CACNA2D3: variants seen among roughly 807,000 people sequenced by gnomAD.
The protein encoded by CACNA2D3 is calcium voltage-gated channel auxiliary subunit alpha2delta 3, also known as voltage-dependent calcium channel subunit alpha-2/delta-3.
In CACNA2D3, 60 loss-of-function variants were observed where a neutral mutation model predicts 160.6. That is an observed-to-expected ratio of 0.37 (90% CI 0.30 to 0.46). CACNA2D3 has a LOEUF of 0.46. Ranked by LOEUF, CACNA2D3 falls within the 20% of genes least tolerant of loss-of-function variation. The pLI is 1.00. For missense variants in CACNA2D3, 1,205 were observed against 1,365.0 expected, an observed-to-expected ratio of 0.88 and a Z score of 1.85; for synonymous variants, 558 against 492.9, an observed-to-expected ratio of 1.13 and a Z score of -1.75.
chr3:55,024,616 C>G (rs371883274), intron 35 of CACNA2D3, among the ~76,000 whole-genome samples: 7 of 152,262 alleles, frequency 4.6e-5, no homozygotes, highest in Middle Eastern at 3.4e-3. Flanking sequence ...AACACTAAGT[C>G]TGCTGGTGTC....
intron 13 of CACNA2D3, among the ~76,000 whole-genome samples, chr3:54,789,329 G>A (rs1702701395): frequency 6.6e-6 from 1 of 152,132 alleles, no homozygotes; most frequent in Non-Finnish European, 1.5e-5. Context: ...AATAAAACTG[G>A]TGAGTTATTA....
At chr3:54,284,832 C>G (rs997348695) in intron 2 of CACNA2D3, among the ~76,000 whole-genome samples, 1 of 152,136 alleles carries the variant, frequency 6.6e-6, no homozygotes, top group African/African-American at 2.4e-5. Context: ...TAAATGACAC[C>G]TCTTCAGTAT....
chr3:54,275,641 A>G (rs7628304), intron 2 of CACNA2D3, among the ~76,000 whole-genome samples: 128,424 of 152,112 alleles, frequency 0.84, 54,859 homozygotes, highest in East Asian at 1. Flanking sequence ...TTTTTGAGAC[A>G]AAGTCTCACT....
At chr3:54,882,404 C>T (rs1378230853) in intron 21 of CACNA2D3, among the ~76,000 whole-genome samples, 1 of 152,132 alleles carries the variant, frequency 6.6e-6, no homozygotes, top group Non-Finnish European at 1.5e-5. Flanking sequence ...CACATACATA[C>T]ATACATGCAT....
intron 11 of CACNA2D3, among the ~76,000 whole-genome samples, chr3:54,738,894 G>T (rs1284802553): frequency 1.3e-5 from 2 of 152,158 alleles, no homozygotes; most frequent in African/African-American, 4.8e-5. Context: ...GCTTACATGT[G>T]CAATCCCAAT....
chr3:54,620,218 T>G (rs1698954617), intron 9 of CACNA2D3, among the ~76,000 whole-genome samples: 1 of 152,132 alleles, frequency 6.6e-6, no homozygotes, highest in South Asian at 2.1e-4. Flanking sequence ...CATCTCTGTT[T>G]TAGGAGAAAG....
At chr3:54,542,108 C>G (rs1301697986) in intron 5 of CACNA2D3, among the ~76,000 whole-genome samples, 1 of 151,852 alleles carries the variant, frequency 6.6e-6, no homozygotes, top group African/African-American at 2.4e-5. Flanking sequence ...TGTCTCCAGG[C>G]TGGAGTGCAG....
Position 54,811,929 on chromosome 3 carries a change from G to A in CACNA2D3, c.1381-4924G>A, listed in dbSNP as rs184547003. ...TCTGCAGAATTAGAGTAATAATAGA[G>A]CTTACCTAATAAGATTACTGTGAGT... On this transcript the variant is annotated intron_variant, in intron 13 of 37. Coordinates refer to ENST00000474759, the MANE Select transcript of CACNA2D3 (RefSeq NM_018398.3). Among the ~76,000 whole-genome samples, 3 of 152,310 alleles carry A rather than the reference G, an allele frequency of 2.0e-5. No individual in the cohort carries two copies. In the East Asian group the frequency reaches 5.8e-4, roughly 29 times the overall value.
chr3:54,454,447 G>GT (rs1489981521), intron 4 of CACNA2D3, among the ~76,000 whole-genome samples: 4 of 151,950 alleles, frequency 2.6e-5, no homozygotes, highest in Non-Finnish European at 5.9e-5. Flanking sequence ...TTTGCATATG[G>GT]TATTTCAAAA....
chr3:54,823,922 T>G (rs1293194202), intron 14 of CACNA2D3, among the ~76,000 whole-genome samples: 1 of 152,238 alleles, frequency 6.6e-6, no homozygotes, highest in East Asian at 1.9e-4. Context: ...AGTAAATGAT[T>G]ATATTTGTAG....
At chr3:54,777,059 C>A in intron 13 of CACNA2D3, among the ~76,000 whole-genome samples, 1 of 152,210 alleles carries the variant, frequency 6.6e-6, no homozygotes, top group Middle Eastern at 3.4e-3. Context: ...TAAAATAATC[C>A]CAGAGAATCA....
intron 13 of CACNA2D3, among the ~76,000 whole-genome samples, chr3:54,786,967 A>C (rs982130428): frequency 6.6e-6 from 1 of 152,212 alleles, no homozygotes; most frequent in African/African-American, 2.4e-5. Context: ...ATTTCCCAAC[A>C]TGGAGATATG....
At chr3:54,897,585 G>A (rs1700221217) in intron 26 of CACNA2D3, among the ~76,000 whole-genome samples, 1 of 152,096 alleles carries the variant, frequency 6.6e-6, no homozygotes, top group Non-Finnish European at 1.5e-5. Context: ...AGAGATGAAG[G>A]AAACCTAGTT....
intron 5 of CACNA2D3, among the ~76,000 whole-genome samples, chr3:54,521,670 A>G (rs1052157485): frequency 6.6e-6 from 1 of 152,212 alleles, no homozygotes; most frequent in Non-Finnish European, 1.5e-5. Context: ...TAAGAGTTGT[A>G]TAGTTTTAGC....
intron 13 of CACNA2D3, among the ~76,000 whole-genome samples, chr3:54,777,246 C>A (rs1702441814): frequency 6.6e-6 from 1 of 152,198 alleles, no homozygotes; most frequent in Non-Finnish European, 1.5e-5. Context: ...TTTCACCTGA[C>A]TTGGCCTCTT....
intron 4 of CACNA2D3, among the ~76,000 whole-genome samples, chr3:54,444,999 C>T (rs2106802918): frequency 6.6e-6 from 1 of 152,354 alleles, no homozygotes; most frequent in Non-Finnish European, 1.5e-5. Flanking sequence ...GAGCCTCTTC[C>T]TGCCATGAGG....
At position 54,822,810 on chromosome 3, in the gene CACNA2D3, T is replaced by C. The variant is rs1226954631; in HGVS notation, c.1398+5940T>C. On this transcript the variant is annotated intron_variant, in intron 14 of 37. Transcript: ENST00000474759. ...TCTTTCCTTTCTTTCTTTCTTTCTTTCTTTCTTTCTTTCTTTCTTTCTTTT... is the reference window on the plus strand; with the variant it reads ...TCTTTCCTTTCTTTCTTTCTTTCTTCCTTTCTTTCTTTCTTTCTTTCTTTT... 2.8e-4 allele frequency among the ~76,000 whole-genome samples: 34 copies of C among 121,126 alleles called. 1 individual carries two copies. Among genetic ancestry groups the C allele is most frequent in the African/African-American group, 1.2e-3 (30 of 25,152 alleles). 79.5% of individuals were successfully genotyped at this position (121,126 alleles called of 152,430 possible). A position where few individuals can be genotyped will look rare whatever the true frequency, so the allele number is the denominator to read the frequency against.
At chr3:54,684,221 A>G (rs1214405356) in intron 11 of CACNA2D3, among the ~76,000 whole-genome samples, 2 of 152,010 alleles carry the variant, frequency 1.3e-5, no homozygotes, top group Non-Finnish European at 2.9e-5. Context: ...TGGCCTCCCA[A>G]AGTGCTGGGA....
In CACNA2D3 at chr3:54,404,092, T is replaced by C. The variant is rs571442400; in HGVS notation, c.381+17318T>C. The stretch of plus-strand genomic sequence containing the variant: ...GAATTACTACCCAAACTTCTTAAAC[T>C]CATCCAGAAAATAGAGCTGGAGGGA... On this transcript the variant is annotated intron_variant, in intron 4 of 37. Coordinates refer to ENST00000474759, the MANE Select transcript of CACNA2D3 (RefSeq NM_018398.3). 2.0e-5 allele frequency among the ~76,000 whole-genome samples: 3 copies of C among 152,280 alleles called. No homozygotes were observed. The East Asian group carries it at 5.8e-4, about 29-fold the overall frequency.
Sources: allele counts gnomAD v4.1 joint callset (sites outside exome capture counted in the v4.1 genomes callset), GRCh38; gene constraint gnomAD v4.1.1; transcripts MANE v1.5; gene names NCBI Gene and HGNC (gene_info 2026-07-23, HGNC 2026-07-21).